PRDM2: variants seen among roughly 807,000 people sequenced by gnomAD.
PRDM2 encodes PR/SET domain 2.
A neutral mutation model predicts 130.0 loss-of-function variants in PRDM2; 30 were observed. The ratio of observed to expected loss-of-function variants is 0.23; its 90% CI spans 0.17 to 0.31. The LOEUF is 0.31. Among genes scored for constraint, PRDM2 ranks in the 10% least tolerant of loss-of-function variants. The pLI is 1.00. For missense variants in PRDM2, 2,011 were observed against 2,108.4 expected, an observed-to-expected ratio of 0.95 and a Z score of 0.90; for synonymous variants, 871 against 782.4, an observed-to-expected ratio of 1.11 and a Z score of -1.89.
chr1:13,807,270 T>G (rs1416991293), intron 8 of PRDM2, among the ~76,000 whole-genome samples: 1 of 152,256 alleles, frequency 6.6e-6, no homozygotes, highest in African/African-American at 2.4e-5. Context: ...CTAAAACTCC[T>G]GTTGGCAAAG....
intron 9 of PRDM2, 118 bp from the exon 10 acceptor site, chr1:13,823,041 A>C: frequency 1.0e-6 from 1 of 989,262 alleles, no homozygotes; most frequent in Non-Finnish European, 1.6e-6. Flanking sequence ...TGCTCTATGT[A>C]TGGTATGTTT....
At chr1:13,792,417 T>C (rs1241527888) in intron 8 of PRDM2, among the ~76,000 whole-genome samples, 2 of 152,208 alleles carry the variant, frequency 1.3e-5, no homozygotes, top group East Asian at 1.9e-4. Flanking sequence ...GCCCAAAATA[T>C]ACTTTAATTT....
chr1:13,782,464 G>C lies in PRDM2; in HGVS notation c.4669G>C (p.Val1557Leu). 6.2e-7 allele frequency: 1 copy of C among 1,614,024 alleles called. No individual in the cohort carries two copies. The highest frequency in any genetic ancestry group is 8.5e-7 in the Non-Finnish European group (1 of 1,180,032). Reference sequence around the variant, plus strand: ...CTCATCCTTCAGGTCCAAGCAGAACGTCAAGTTTGCAGCTTCGGTGAAATC... The same window carrying C: ...CTCATCCTTCAGGTCCAAGCAGAACCTCAAGTTTGCAGCTTCGGTGAAATC... The part of the protein sequence containing the change: ...PSSSFRSKQN[V>L]KFAASVKSKK... Residue 1557 changes from valine (V) to leucine (L), a missense_variant, in exon 8 of 10, where the codon GTC becomes CTC. This residue lies in a region of PRDM2 where 410 missense variants were observed against 395.9 expected (regional missense o/e 1.04). Coordinates refer to ENST00000311066, the MANE Select transcript of PRDM2 (RefSeq NM_001393986.1).
intron 2 of PRDM2, among the ~76,000 whole-genome samples, chr1:13,723,039 G>A (rs1642785658): frequency 6.6e-6 from 1 of 152,134 alleles, no homozygotes; most frequent in African/African-American, 2.4e-5. Context: ...TTCCAGTGGT[G>A]GCTGCCTCTG....
At chr1:13,710,251 C>G (rs567337455) in intron 1 of PRDM2, among the ~76,000 whole-genome samples, 3 of 152,294 alleles carry the variant, frequency 2.0e-5, no homozygotes, top group Non-Finnish European at 4.4e-5. Context: ...GCTGGTATGA[C>G]CCAGGGAAAG....
intron 8 of PRDM2, among the ~76,000 whole-genome samples, chr1:13,795,464 C>T (rs1005358556): frequency 2.6e-5 from 4 of 152,196 alleles, no homozygotes; most frequent in African/African-American, 9.6e-5. Context: ...TGTGCTACCT[C>T]TCGTCTGTGG....
intron 1 of PRDM2, among the ~76,000 whole-genome samples, chr1:13,700,986 T>TAACA (rs769384718): frequency 5.9e-5 from 9 of 152,184 alleles, no homozygotes; most frequent in Non-Finnish European, 1.0e-4. Flanking sequence ...GAAGTAAACC[T>TAACA]AACAGGTCAG....
intron 8 of PRDM2, among the ~76,000 whole-genome samples, chr1:13,801,620 C>T (rs539153109): frequency 5.0e-4 from 76 of 152,300 alleles, no homozygotes; most frequent in Admixed American, 1.4e-3. Flanking sequence ...TAGTGCCCGT[C>T]TCCTAAAGTT....
At chr1:13,788,650 G>A (rs943905621) in intron 8 of PRDM2, among the ~76,000 whole-genome samples, 4 of 152,168 alleles carry the variant, frequency 2.6e-5, no homozygotes, top group South Asian at 2.1e-4. Flanking sequence ...AGAAAAACAC[G>A]GAGGAGAGAG....
intron 8 of PRDM2, among the ~76,000 whole-genome samples, chr1:13,814,566 G>A (rs542331925): frequency 6.6e-6 from 1 of 152,258 alleles, no homozygotes; most frequent in Non-Finnish European, 1.5e-5. Flanking sequence ...CCTTTGTTGC[G>A]GGGGCCTGTC....
In PRDM2 at chr1:13,802,666, C is replaced by T. The variant is rs534748864; in HGVS notation, c.5037-13761C>T. Among the ~76,000 whole-genome samples, 12 of 152,260 alleles carry T rather than the reference C, an allele frequency of 7.9e-5. No homozygotes were observed. In the East Asian group the frequency reaches 2.1e-3, roughly 27 times the overall value. On this transcript the variant is annotated intron_variant, in intron 8 of 9. Transcript: ENST00000311066. ...AGTGGCAATAATGAAGCTTTAGTGT[C>T]CTTACAGAATCTTACCATCTAAAAA...
intron 6 of PRDM2, among the ~76,000 whole-genome samples, chr1:13,762,081 C>G (rs139150893): frequency 6.6e-6 from 1 of 152,226 alleles, no homozygotes; most frequent in Non-Finnish European, 1.5e-5. Flanking sequence ...TTAGTAGCAT[C>G]TGTGGATACT....
At chr1:13,770,301 G>A (rs1246283302) in intron 6 of PRDM2, 1 of 482,710 alleles carries the variant, frequency 2.1e-6, no homozygotes, top group Non-Finnish European at 4.1e-6. Flanking sequence ...TTTTAGGTAG[G>A]GAATAAAACT....
intron 6 of PRDM2, among the ~76,000 whole-genome samples, chr1:13,762,875 C>A (rs2100591613): frequency 6.6e-6 from 1 of 152,314 alleles, no homozygotes; most frequent in East Asian, 1.9e-4. Context: ...AGAGGCACAG[C>A]TGCAGGCAGG....
intron 6 of PRDM2, among the ~76,000 whole-genome samples, chr1:13,763,588 A>G (rs978475635): frequency 6.6e-6 from 1 of 152,242 alleles, no homozygotes; most frequent in Non-Finnish European, 1.5e-5. Context: ...GCCAAGTACA[A>G]AGTAGAGGCT....
chr1:13,724,357 A>G (rs1642836055), intron 2 of PRDM2, among the ~76,000 whole-genome samples: 1 of 152,212 alleles, frequency 6.6e-6, no homozygotes, highest in South Asian at 2.1e-4. Flanking sequence ...AAACCCTTCA[A>G]ATGATAAAGA....
intron 8 of PRDM2, chr1:13,783,290 C>A: frequency 2.6e-6 from 1 of 388,406 alleles, no homozygotes; most frequent in Non-Finnish European, 5.1e-6. Flanking sequence ...GATCTAGTAC[C>A]TGACACTTTC....
intron 8 of PRDM2, 46 bp from the exon 9 acceptor site, chr1:13,816,381 G>T: frequency 6.2e-7 from 1 of 1,609,462 alleles, no homozygotes; most frequent in South Asian, 1.1e-5. Context: ...CTAGGGCACC[G>T]GGCTGGGCTC....
At chr1:13,777,160 C>A (rs190508932) in intron 7 of PRDM2, among the ~76,000 whole-genome samples, 56 of 152,176 alleles carry the variant, frequency 3.7e-4, no homozygotes, top group African/African-American at 1.2e-3. Context: ...GTGGAATCTC[C>A]TCTTCTCTCT....
Sources: allele counts gnomAD v4.1 joint callset (sites outside exome capture counted in the v4.1 genomes callset), GRCh38; gene constraint gnomAD v4.1.1; regional missense constraint gnomAD v4.1.1; transcripts MANE v1.5; gene names NCBI Gene and HGNC (gene_info 2026-07-23, HGNC 2026-07-21).